Variants in SLC5A12 observed in about 807,000 individuals in gnomAD.
SLC5A12 encodes solute carrier family 5 member 12.
Under a neutral mutation model 72.7 loss-of-function variants are expected in SLC5A12, and 46 were observed. The ratio of observed to expected loss-of-function variants is 0.63; its 90% CI spans 0.50 to 0.81. The LOEUF is 0.81. SLC5A12 is among the 30% of genes least tolerant of loss of function. The pLI is 0.00. For missense variants in SLC5A12, 683 were observed against 740.7 expected (o/e 0.92, Z 0.90); for synonymous variants, 275 against 264.4 (o/e 1.04, Z -0.39).
chr11:26,705,958 AC>A (rs1464199736), intron 4 of SLC5A12, among the ~76,000 whole-genome samples: 1 of 150,664 alleles, frequency 6.6e-6, no homozygotes, highest in Non-Finnish European at 1.5e-5. Context: ...ACACACACAC[AC>A]ACACACACAC....
At chr11:26,687,466 T>C (rs1487431940) in intron 9 of SLC5A12, among the ~76,000 whole-genome samples, 1 of 152,192 alleles carries the variant, frequency 6.6e-6, no homozygotes. Flanking sequence ...TTCAATCTTA[T>C]TGAATACCAA....
chr11:26,713,227 C>A (rs1855273744), intron 1 of SLC5A12, among the ~76,000 whole-genome samples: 1 of 152,100 alleles, frequency 6.6e-6, no homozygotes, highest in African/African-American at 2.4e-5. Flanking sequence ...CATTGACAAA[C>A]AAAGTGCAGA....
intron 14 of SLC5A12, among the ~76,000 whole-genome samples, chr11:26,673,200 A>G (rs1405484259): frequency 6.6e-6 from 1 of 152,206 alleles, no homozygotes; most frequent in Admixed American, 6.6e-5. Context: ...ATTCAGCTAC[A>G]AGGCACTTTT....
chr11:26,711,267 A>C, intron 3 of SLC5A12, 40 bp downstream of exon 3: 2 of 1,570,898 alleles, frequency 1.3e-6, no homozygotes, highest in Non-Finnish European at 1.8e-6. Flanking sequence ...ATTCAGGCAT[A>C]AAAATGGTAA....
chr11:26,691,473 G>A (rs1023557443), intron 9 of SLC5A12, among the ~76,000 whole-genome samples: 3 of 145,906 alleles, frequency 2.1e-5, no homozygotes, highest in Non-Finnish European at 4.5e-5. Context: ...GTTTTTTTTT[G>A]TCACAGTATT....
chr11:26,680,722 A>T (rs1199432650), intron 12 of SLC5A12, among the ~76,000 whole-genome samples: 1 of 152,006 alleles, frequency 6.6e-6, no homozygotes, highest in African/African-American at 2.4e-5. Flanking sequence ...CATTGCTCAC[A>T]AACTTCTTCT....
intron 14 of SLC5A12, among the ~76,000 whole-genome samples, chr11:26,672,758 G>T (rs1224259487): frequency 6.6e-6 from 1 of 152,106 alleles, no homozygotes; most frequent in Non-Finnish European, 1.5e-5. Flanking sequence ...AACTTGGACA[G>T]TGTCTCTAGT....
intron 8 of SLC5A12, among the ~76,000 whole-genome samples, chr11:26,694,246 C>A (rs927261318): frequency 6.6e-6 from 1 of 152,148 alleles, no homozygotes; most frequent in Non-Finnish European, 1.5e-5. Flanking sequence ...CTTTCTCTAT[C>A]CCCACAGTCT....
Position 26,676,821 on chromosome 11 carries a change from A to T in SLC5A12, c.1579+1891T>A, listed in dbSNP as rs556746305. On this transcript the variant is annotated intron_variant, in intron 13 of 14. Transcript: ENST00000396005. The stretch of plus-strand genomic sequence containing the variant: ...GGAGTTGCTAATCAACACAGACATG[A>T]TTCTATGTGTCAACATGTATGAGTA... 2.0e-5 allele frequency among the ~76,000 whole-genome samples: 3 copies of T among 152,288 alleles called. No individual in the cohort carries two copies. In the East Asian group the frequency reaches 5.8e-4, roughly 29 times the overall value.
intron 9 of SLC5A12, 132 bp from the exon 10 acceptor site, chr11:26,686,676 C>T (rs370052488): frequency 7.2e-5 from 51 of 709,746 alleles, no homozygotes; most frequent in East Asian, 4.3e-4. Flanking sequence ...ACCATCCTCC[C>T]CATTCAGCCA....
At chr11:26,711,244 C>T in intron 3 of SLC5A12, 63 bp downstream of exon 3, 1 of 1,332,406 alleles carries the variant, frequency 7.5e-7, no homozygotes, top group Non-Finnish European at 1.1e-6. Flanking sequence ...ATTTCTAATT[C>T]TGCAAGGTGA....
At chr11:26,677,717 G>C (rs1393746960) in intron 13 of SLC5A12, among the ~76,000 whole-genome samples, 1 of 152,144 alleles carries the variant, frequency 6.6e-6, no homozygotes, top group African/African-American at 2.4e-5. Context: ...TGAATGGCTA[G>C]TGACATCATG....
At chr11:26,703,448 C>CCCA (rs1855009675) in intron 6 of SLC5A12, 83 bp downstream of exon 6, 3 of 892,014 alleles carry the variant, frequency 3.4e-6, no homozygotes, top group Non-Finnish European at 4.8e-6. Flanking sequence ...ACACACACAC[C>CCCA]CCCCAAGAGG....
chr11:26,684,332 A>T lies in SLC5A12; in HGVS notation c.1222-489T>A, dbSNP rs78282062. Among the ~76,000 whole-genome samples, 459 of 152,192 alleles carry T rather than the reference A, an allele frequency of 3.0e-3. 3 individuals are homozygous for T. Among genetic ancestry groups the T allele is most frequent in the African/African-American group, 0.011 (450 of 41,536 alleles). ...AAAGCCTTCCTTCTTACCCAGCATC[A>T]ATACTTAAGTTAATATTCTTGGCAT... On this transcript the variant is annotated intron_variant, in intron 10 of 14. Transcript: ENST00000396005.
At chr11:26,675,399 A>G (rs922348688) in intron 13 of SLC5A12, among the ~76,000 whole-genome samples, 5 of 152,190 alleles carry the variant, frequency 3.3e-5, no homozygotes, top group Admixed American at 3.3e-4. Flanking sequence ...TTCTCAAACC[A>G]GAAGCTCTGT....
intron 13 of SLC5A12, 24 bp from the exon 14 acceptor site, chr11:26,673,553 T>C: frequency 6.3e-7 from 1 of 1,579,460 alleles, no homozygotes; most frequent in Non-Finnish European, 8.6e-7. Context: ...AACAAATAGA[T>C]TAGATGGTTG....
At chr11:26,712,784 TA>T in intron 1 of SLC5A12, 78 bp from the exon 2 acceptor site, 6 of 1,001,688 alleles carry the variant, frequency 6.0e-6, no homozygotes, top group African/African-American at 1.6e-5. Context: ...TATCTTGGTA[TA>T]TCCTCTGTTG....
chr11:26,687,465 A>G (rs1854564391), intron 9 of SLC5A12, among the ~76,000 whole-genome samples: 5 of 152,174 alleles, frequency 3.3e-5, no homozygotes, highest in Admixed American at 3.3e-4. Context: ...ATTCAATCTT[A>G]TTGAATACCA....
At chr11:26,683,955 C>A in intron 10 of SLC5A12, 112 bp from the exon 11 acceptor site, 3 of 737,750 alleles carry the variant, frequency 4.1e-6, no homozygotes, top group Non-Finnish European at 6.7e-6. Flanking sequence ...CCTGACTGTG[C>A]CATTTGTTAA....
Sources: gnomAD v4.1 joint callset for allele counts (sites outside exome capture counted in the v4.1 genomes callset) on GRCh38, gnomAD v4.1.1 for gene constraint, MANE v1.5 for transcripts, NCBI Gene and HGNC (gene_info 2026-07-23, HGNC 2026-07-21) for gene names.